Variants in SLAMF9 observed in about 807,000 individuals in gnomAD.
SLAMF9 encodes the protein CD2 family member 10.
Under a neutral mutation model 30.4 loss-of-function variants are expected in SLAMF9, and 25 were observed. That is an observed-to-expected ratio of 0.82 (90% CI 0.60 to 1.15). The LOEUF is 1.15. SLAMF9 is among the 50% of genes most tolerant of loss of function. SLAMF9 has a pLI of 0.00. For missense variants in SLAMF9, 344 were observed against 346.1 expected (o/e 0.99, Z 0.05); for synonymous variants, 129 against 127.2 (o/e 1.01, Z -0.09).
the SLAMF9 span, among the ~76,000 whole-genome samples, chr1:159,969,979 G>A: frequency 1.3e-5 from 2 of 152,292 alleles, no homozygotes; most frequent in African/African-American, 4.8e-5. Flanking sequence ...GAGCCCGGGG[G>A]TGAAGGGGGA....
chr1:159,952,195 G>T (rs1475011376), intron 3 of SLAMF9, 67 bp downstream of exon 3: 9 of 1,562,036 alleles, frequency 5.8e-6, no homozygotes, highest in Non-Finnish European at 7.0e-6. Flanking sequence ...AAGAGCTGGG[G>T]GAGGGAGATG....
chr1:159,959,057 C>T (rs1651987012), upstream of SLAMF9, among the ~76,000 whole-genome samples: 2 of 152,162 alleles, frequency 1.3e-5, no homozygotes, highest in South Asian at 2.1e-4. Flanking sequence ...AGTCTCTGCT[C>T]TCTACTATGC....
chr1:159,971,045 G>A, the SLAMF9 span, among the ~76,000 whole-genome samples: 103 of 152,238 alleles, frequency 6.8e-4, no homozygotes, highest in Non-Finnish European at 4.0e-4. Flanking sequence ...CCCAAGCCTC[G>A]GAGTTTTTAC....
the SLAMF9 span, among the ~76,000 whole-genome samples, chr1:159,964,476 C>T: frequency 6.6e-6 from 1 of 152,150 alleles, no homozygotes; most frequent in African/African-American, 2.4e-5. Context: ...AGAGAGCCTG[C>T]TTTTATCTTT....
At chr1:159,979,619 CTT>C in the SLAMF9 span, among the ~76,000 whole-genome samples, 1 of 151,018 alleles carries the variant, frequency 6.6e-6, no homozygotes, top group Non-Finnish European at 1.5e-5. Context: ...TCATGAGACT[CTT>C]TACCATGAAT....
At chr1:159,969,083 A>T in the SLAMF9 span, among the ~76,000 whole-genome samples, 1 of 152,190 alleles carries the variant, frequency 6.6e-6, no homozygotes, top group South Asian at 2.1e-4. Context: ...GAGCTTGGGG[A>T]TTCCCCCTCA....
the SLAMF9 span, chr1:159,976,975 A>AAAG: frequency 4.5e-5 from 2 of 44,388 alleles, no homozygotes; most frequent in Admixed American, 6.4e-4. Context: ...AGAAAGAAGG[A>AAAG]AAGAAGGAAA....
chr1:159,955,581 C>T (rs1651905427), upstream of SLAMF9, among the ~76,000 whole-genome samples: 1 of 152,214 alleles, frequency 6.6e-6, no homozygotes, highest in Non-Finnish European at 1.5e-5. Context: ...GGTCCATACA[C>T]TGTCTTAAGT....
At chr1:159,956,649 G>A (rs80089069), upstream of SLAMF9, among the ~76,000 whole-genome samples, 2,954 of 152,144 alleles carry the variant, frequency 0.019, 99 homozygotes, top group African/African-American at 0.068. Context: ...TGAGTAGCGG[G>A]TGGTAAGTTG....
chr1:159,964,277 C>T, the SLAMF9 span, among the ~76,000 whole-genome samples: 2 of 152,060 alleles, frequency 1.3e-5, no homozygotes, highest in Non-Finnish European at 2.9e-5. Context: ...TCTTTTGTTT[C>T]CAATCACAAA....
the SLAMF9 span, among the ~76,000 whole-genome samples, chr1:159,974,656 A>T: frequency 6.6e-6 from 1 of 152,164 alleles, no homozygotes; most frequent in Non-Finnish European, 1.5e-5. Context: ...CACCCCAGCC[A>T]TGCAAAGGCC....
At chr1:159,973,748 A>G in the SLAMF9 span, 1 of 1,546,448 alleles carries the variant, frequency 6.5e-7, no homozygotes, top group South Asian at 1.1e-5. Flanking sequence ...TAGAGACGGG[A>G]CCCCTGAGAG....
At chr1:159,972,963 C>T in the SLAMF9 span, 2 of 1,184,912 alleles carry the variant, frequency 1.7e-6, no homozygotes, top group Non-Finnish European at 2.3e-6. Context: ...ATGCCCAGAC[C>T]CCTGGGGGCG....
At chr1:159,965,698 A>C in the SLAMF9 span, 1 of 152,164 alleles carries the variant, frequency 6.6e-6, no homozygotes, top group Non-Finnish European at 1.5e-5. Flanking sequence ...TGCATACCTC[A>C]TCTTTGATCC....
the SLAMF9 span, chr1:159,983,934 A>G: frequency 6.6e-6 from 1 of 152,318 alleles, no homozygotes; most frequent in South Asian, 2.1e-4. Flanking sequence ...AGAACAAAAG[A>G]CACCTGGAGA....
At chr1:159,954,044 CAG>C (rs758762319) in intron 1 of SLAMF9, 46 bp downstream of exon 1, 1 of 1,612,010 alleles carries the variant, frequency 6.2e-7, no homozygotes, top group East Asian at 2.2e-5. Flanking sequence ...GGCAGGGGAA[CAG>C]AGGTGTAGGG....
At chr1:159,969,234 A>C in the SLAMF9 span, among the ~76,000 whole-genome samples, 5 of 139,172 alleles carry the variant, frequency 3.6e-5, no homozygotes, top group African/African-American at 1.3e-4. Context: ...GGGATAGCCA[A>C]TTTTGCTGAC....
chr1:159,955,262 A>T (rs1271922881), upstream of SLAMF9, among the ~76,000 whole-genome samples: 2 of 152,230 alleles, frequency 1.3e-5, no homozygotes, highest in South Asian at 4.1e-4. Context: ...GCTTCCTGGC[A>T]GTCAAAGCTG....
chr1:159,969,876 C>A, the SLAMF9 span, among the ~76,000 whole-genome samples: 3 of 152,064 alleles, frequency 2.0e-5, no homozygotes, highest in Non-Finnish European at 4.4e-5. Context: ...AACACTGTCT[C>A]TACCCAAAAT....
Sources: gnomAD v4.1 joint callset for allele counts (sites outside exome capture counted in the v4.1 genomes callset) on GRCh38, gnomAD v4.1.1 for gene constraint, MANE v1.5 for transcripts, NCBI Gene and HGNC (gene_info 2026-07-23, HGNC 2026-07-21) for gene names.